CDKL3: variants seen among roughly 807,000 people sequenced by gnomAD.
CDKL3 encodes cyclin-dependent kinase-like 3.
In CDKL3, 65 loss-of-function variants were observed where a neutral mutation model predicts 69.3. The observed-to-expected ratio is 0.94, with a 90% CI of 0.77 to 1.15. The LOEUF (loss-of-function observed/expected upper bound fraction) is 1.15. Ranked by LOEUF, CDKL3 falls within the 50% of genes most tolerant of loss-of-function variation. CDKL3 has a pLI of 0.00. For missense variants in CDKL3, 652 were observed against 689.2 expected (o/e 0.95, Z 0.61); for synonymous variants, 202 against 221.6 (o/e 0.91, Z 0.79).
chr5:134,338,267 A>G (rs768412075), intron 4 of CDKL3, among the ~76,000 whole-genome samples: 6 of 152,222 alleles, frequency 3.9e-5, no homozygotes, highest in South Asian at 2.1e-4. Context: ...ATAGAATGAC[A>G]TAAGAATAAC....
intron 11 of CDKL3, among the ~76,000 whole-genome samples, chr5:134,304,170 C>T (rs1281078878): frequency 1.3e-5 from 2 of 152,076 alleles, no homozygotes; most frequent in Non-Finnish European, 2.9e-5. Context: ...CCCAAGCAAT[C>T]CTCCTGCATT....
chr5:134,295,163 C>T (rs1765296598), downstream of CDKL3, among the ~76,000 whole-genome samples: 1 of 151,584 alleles, frequency 6.6e-6, no homozygotes, highest in African/African-American at 2.4e-5. Flanking sequence ...ATTACAGGTG[C>T]CTACCACCAC....
chr5:134,343,725 T>C (rs997925710), intron 4 of CDKL3, among the ~76,000 whole-genome samples: 1 of 152,138 alleles, frequency 6.6e-6, no homozygotes, highest in African/African-American at 2.4e-5. Context: ...AGGAAGTGAT[T>C]CAGTGCAAGA....
At position 134,350,420 on chromosome 5, in the gene CDKL3, T is replaced by A. The variant is rs201333531; in HGVS notation, c.368A>T (p.His123Leu). The A allele has an allele frequency of 1.9e-6, 3 of 1,540,416 alleles. No individual in the cohort carries two copies. Among genetic ancestry groups the A allele is most frequent in the East Asian group, 2.4e-5 (1 of 41,902 alleles). Residue 123 changes from histidine to leucine, a missense_variant, in exon 4 of 13, where the codon CAT becomes CTT. By Grantham distance (99) the His-to-Leu change is moderately conservative. Transcript: ENST00000265334. ...IDYLHSNNII[H>L]RDIKPENILV... ...AATATTCTCAGGTTTTATATCTCGA[T>A]GAATGATCTAAAAAACAAACAGAAT...
chr5:134,326,580 C>T (rs1401295233), intron 4 of CDKL3, among the ~76,000 whole-genome samples: 1 of 151,730 alleles, frequency 6.6e-6, no homozygotes, highest in Non-Finnish European at 1.5e-5. Context: ...GTATGAACTT[C>T]TAGCATGACA....
intron 4 of CDKL3, among the ~76,000 whole-genome samples, chr5:134,339,621 T>C (rs1328179993): frequency 3.9e-5 from 6 of 152,342 alleles, no homozygotes; most frequent in Non-Finnish European, 5.9e-5. Context: ...TACATTTATA[T>C]ATTGTTCTCA....
intron 2 of CDKL3, among the ~76,000 whole-genome samples, chr5:134,365,498 G>C (rs1309297057): frequency 1.3e-5 from 2 of 151,980 alleles, no homozygotes; most frequent in Admixed American, 1.3e-4. Context: ...ATTTTAGCAA[G>C]GGTCCTCAGA....
Position 134,366,476 on chromosome 5 carries a change from T to TC in CDKL3, c.47dup (p.Thr17AsnfsTer6), listed in dbSNP as rs1288147064. On this transcript the variant is annotated frameshift_variant, in exon 2 of 13. Coordinates refer to ENST00000265334, the MANE Select transcript of CDKL3 (RefSeq NM_001113575.2). LOFTEE classifies it high-confidence loss of function. ...TCTTATGTTTACATTTCATGACTGT[T>TC]CCGTAACTTCCCTCTCCCACTTTTC... 1.9e-6 allele frequency: 3 copies of TC among 1,608,852 alleles called. No individual in the cohort carries two copies. The African/African-American group carries it at 4.0e-5, about 22-fold the overall frequency.
In CDKL3 at chr5:134,317,513, C is replaced by T. The variant is rs115029351; in HGVS notation, c.792+1845G>A. Among the ~76,000 whole-genome samples the T allele has an allele frequency of 4.8e-3, 726 of 152,224 alleles. 7 individuals are homozygous for T. The highest frequency in any genetic ancestry group is 0.017 in the African/African-American group (690 of 41,522). Reference sequence around the variant, plus strand: ...GTTGCTTATGCCTGTGATCCCAATACTTTCAGAGGCCAAGGAGGAAGGATC... The same window carrying T: ...GTTGCTTATGCCTGTGATCCCAATATTTTCAGAGGCCAAGGAGGAAGGATC... On this transcript the variant is annotated intron_variant, in intron 6 of 12. Transcript: ENST00000265334.
intron 6 of CDKL3, among the ~76,000 whole-genome samples, chr5:134,313,443 C>T (rs1278712738): frequency 1.3e-5 from 2 of 152,030 alleles, no homozygotes; most frequent in African/African-American, 2.4e-5. Flanking sequence ...TTCCTTCCAT[C>T]GCAACAACAA....
rs1464415054 is a variant in CDKL3, at chr5:134,308,395, A to C, written c.1107T>G (p.Asp369Glu). ...RVIKVKGGRG[D>E]ISEPKKKEYE... ...ACTCTTTCTTTTTTGGTTCTGAGAT[A>C]TCTCCTCTTCCTCCTTTGACTTTAA... The change falls in exon 9 of 13, where the codon GAT becomes GAG. Residue 369 changes from aspartate to glutamate, a missense_variant. Coordinates refer to ENST00000265334, the MANE Select transcript of CDKL3 (RefSeq NM_001113575.2). 1 of 1,613,554 alleles carries C rather than the reference A, an allele frequency of 6.2e-7. No individual in the cohort carries two copies. Among genetic ancestry groups the C allele is most frequent in the Admixed American group, 1.7e-5 (1 of 59,988 alleles).
chr5:134,311,741 A>G (rs914021710), intron 7 of CDKL3, among the ~76,000 whole-genome samples: 2 of 152,186 alleles, frequency 1.3e-5, no homozygotes, highest in Admixed American at 1.3e-4. Context: ...CACACTGCCT[A>G]GGACATGGTA....
chr5:134,362,876 C>T (rs996095829), intron 2 of CDKL3, among the ~76,000 whole-genome samples: 1 of 152,076 alleles, frequency 6.6e-6, no homozygotes. Flanking sequence ...TGCAGTGAGC[C>T]AGGATCGTGC....
chr5:134,314,350 G>T (rs560700221), intron 6 of CDKL3, among the ~76,000 whole-genome samples: 2 of 152,068 alleles, frequency 1.3e-5, no homozygotes, highest in Non-Finnish European at 2.9e-5. Flanking sequence ...GCCCTACTTT[G>T]GAAAATGTAA....
chr5:134,283,614 T>C (rs1764726021), downstream of CDKL3, among the ~76,000 whole-genome samples: 1 of 152,102 alleles, frequency 6.6e-6, no homozygotes, highest in Non-Finnish European at 1.5e-5. Context: ...CAAGATGAGA[T>C]TTGTGTGGGT....
chr5:134,292,824 A>AATACAACC (rs1318863270), intron 8 of CDKL3, among the ~76,000 whole-genome samples: 1 of 151,962 alleles, frequency 6.6e-6, no homozygotes, highest in Non-Finnish European at 1.5e-5. Context: ...ATTTTATGTC[A>AATACAACC]ATACAACCAG....
intron 2 of CDKL3, among the ~76,000 whole-genome samples, chr5:134,364,827 G>A (rs1449345759): frequency 8.1e-5 from 11 of 136,078 alleles, no homozygotes; most frequent in African/African-American, 3.3e-4. Context: ...TTTCTTTTGA[G>A]ATGGAGTCTC....
rs1335656800 is a variant in CDKL3, at chr5:134,298,620, G to T, written c.*31C>A. The T allele has an allele frequency of 1.2e-6, 2 of 1,601,496 alleles. No homozygotes were observed. The highest frequency in any genetic ancestry group is 1.7e-6 in the Non-Finnish European group (2 of 1,176,332). On this transcript the variant is annotated 3_prime_UTR_variant, in exon 13 of 13. Transcript: ENST00000265334. ...ATAAAACGGGAAGAGTTGTCATCTTGTATTTTTTGGACTATGTAAAAGAAA... is the reference window on the plus strand; with the variant it reads ...ATAAAACGGGAAGAGTTGTCATCTTTTATTTTTTGGACTATGTAAAAGAAA...
chr5:134,303,938 T>A lies in CDKL3; in HGVS notation c.1621+467A>T, dbSNP rs550775452. The stretch of plus-strand genomic sequence containing the variant: ...ATTTTTCTTTTTAATTAAAAAAAAA[T>A]TTTTTTTTTTTAGAGACAGGGTCTC... On this transcript the variant is annotated intron_variant, in intron 11 of 12. Coordinates refer to ENST00000265334, the MANE Select transcript of CDKL3 (RefSeq NM_001113575.2). Among the ~76,000 whole-genome samples the A allele has an allele frequency of 1.8e-3, 195 of 109,648 alleles. 2 individuals are homozygous for A. The highest frequency in any genetic ancestry group is 0.015 in the Admixed American group (144 of 9,886). The allele number at this position is 109,648 out of a possible 152,430, so 71.9% of individuals were successfully genotyped here.
Sources: allele counts gnomAD v4.1 joint callset (sites outside exome capture counted in the v4.1 genomes callset), GRCh38; gene constraint gnomAD v4.1.1; transcripts MANE v1.5; gene names NCBI Gene and HGNC (gene_info 2026-07-23, HGNC 2026-07-21).